The following GBP1 variants were observed in gnomAD, a reference collection of about 807,000 sequenced individuals.
GBP1 encodes guanylate binding protein 1, also known as guanylate-binding protein 1.
Under a neutral mutation model 69.5 loss-of-function variants are expected in GBP1, and 64 were observed. The observed-to-expected ratio is 0.92, with a 90% confidence interval of 0.75 to 1.13. The LOEUF (loss-of-function observed/expected upper bound fraction) is 1.13. Among genes scored for constraint, GBP1 ranks in the 50% most tolerant of loss-of-function variants. The probability of loss-of-function intolerance (pLI) is 0.00; values close to 1 mark genes in which losing one functional copy is unlikely to be tolerated. For synonymous variants in GBP1, 250 were observed against 261.2 expected (o/e 0.96, Z 0.41); for missense variants, 630 against 704.1 (o/e 0.89, Z 1.19).
rs1679948203 is a variant in GBP1 at position 89,052,693 on chromosome 1, T to A, written c.*662A>T. 1 of 152,254 alleles carries A rather than the reference T, an allele frequency of 6.6e-6. No individual in the cohort carries two copies. Among genetic ancestry groups the A allele is most frequent in the Non-Finnish European group, 1.5e-5 (1 of 68,050 alleles). The allele number at this position is 152,254 out of a possible 1,614,324, so 9.4% of individuals were successfully genotyped here. ...GTGTCAATTGTCTAATGGTCTAAAG[T>A]GTCCCATTGAAGTTATAATCTGGAT... On this transcript the variant is annotated 3_prime_UTR_variant, in exon 11 of 11. Transcript: ENST00000370473.
intron 10 of GBP1, among the ~76,000 whole-genome samples, chr1:89,053,705 C>T (rs1679975065): frequency 6.6e-6 from 1 of 152,134 alleles, no homozygotes; most frequent in Admixed American, 6.5e-5. Flanking sequence ...GTGTATGAAT[C>T]ATGGATTAGG....
chr1:89,056,336 A>C, intron 7 of GBP1, 108 bp from the exon 8 acceptor site: 1 of 1,567,270 alleles, frequency 6.4e-7, no homozygotes, highest in Non-Finnish European at 8.7e-7. Context: ...ATGCTGGAGA[A>C]ACTGACAGCC....
At chr1:89,064,683 T>C (rs1031967473) in intron 1 of GBP1, among the ~76,000 whole-genome samples, 6 of 152,228 alleles carry the variant, frequency 3.9e-5, no homozygotes, top group African/African-American at 1.2e-4. Context: ...TCTTTAACCG[T>C]GTCAGTGGGC....
intron 6 of GBP1, among the ~76,000 whole-genome samples, chr1:89,057,643 G>A (rs141791750): frequency 4.6e-5 from 7 of 152,326 alleles, no homozygotes; most frequent in East Asian, 3.9e-4. Flanking sequence ...CACTAAGTAC[G>A]TGTAAATATT....
In GBP1 at chr1:89,058,992, C is replaced by G. The variant is rs764507414; in HGVS notation, c.480G>C (p.Glu160Asp). ...CTGAATCCTCAACCTCATTCTCATT[C>G]TCATCAGGTGAGGATTTTGATCGGA... ...HRIRSKSSPD[E>D]NENEVEDSAD... The change falls in exon 5 of 11, where the codon GAG becomes GAC. Residue 160 changes from glutamate to aspartate, a missense_variant. By Grantham distance (45) the Glu-to-Asp change is conservative. Transcript: ENST00000370473. 8.1e-6 allele frequency: 13 copies of G among 1,614,166 alleles called. No individual in the cohort carries two copies. In the South Asian group the frequency reaches 1.2e-4, roughly 15 times the overall value.
At chr1:89,060,072 C>T (rs1394073638) in intron 3 of GBP1, 125 bp downstream of exon 3, 19 of 872,024 alleles carry the variant, frequency 2.2e-5, no homozygotes, top group Non-Finnish European at 3.3e-6. Context: ...TTTGTGCTCC[C>T]TTTATGCATC....
intron 3 of GBP1, 124 bp downstream of exon 3, chr1:89,060,073 T>G (rs1439959743): frequency 2.3e-6 from 2 of 879,182 alleles, no homozygotes; most frequent in African/African-American, 1.7e-5. Flanking sequence ...TTGTGCTCCC[T>G]TTATGCATCT....
At position 89,064,981 on chromosome 1, in the gene GBP1, C is replaced by T. The variant is rs570815015; in HGVS notation, c.-20+179G>A. ...TAACACCAGGATTTCATCTGACCTG[C>T]GTCCCACTTCAGGCTCATCTGCAGC... On this transcript the variant is annotated intron_variant, in intron 1 of 10. Coordinates refer to ENST00000370473, the MANE Select transcript of GBP1 (RefSeq NM_002053.3). 5.3e-5 allele frequency among the ~76,000 whole-genome samples: 8 copies of T among 152,310 alleles called. No homozygotes were observed. The East Asian group carries it at 1.3e-3, about 26-fold the overall frequency.
intron 4 of GBP1, 79 bp from the exon 5 acceptor site, chr1:89,059,122 C>G (rs1286255708): frequency 1.3e-6 from 2 of 1,599,006 alleles, no homozygotes; most frequent in South Asian, 1.1e-5. Context: ...CCCAAACCTT[C>G]CATTTTCCTT....
chr1:89,062,973 C>T (rs1182357277), intron 2 of GBP1, 72 bp downstream of exon 2: 1 of 1,570,490 alleles, frequency 6.4e-7, no homozygotes, highest in Non-Finnish European at 8.8e-7. Flanking sequence ...TCTCTCCTCA[C>T]ATCTTCATAA....
At position 89,057,990 on chromosome 1, in the gene GBP1, ACGAGG is replaced by A; in HGVS notation, c.871_874+1del. The A allele has an allele frequency of 1.2e-6, 2 of 1,610,114 alleles. No individual in the cohort carries two copies. Among genetic ancestry groups the A allele is most frequent in the Non-Finnish European group, 1.7e-6 (2 of 1,177,850 alleles). ...AGCAGAAGTACTAGGAAGGGGACTT[ACGAGG>A]CCCGTTGACCTGGATGCCTCCTGAA... On this transcript the variant is annotated splice_donor_variant and coding_sequence_variant, in exon 6 of 11. Transcript: ENST00000370473. LOFTEE classifies it high-confidence loss of function.
At chr1:89,062,910 A>G (rs968059865) in intron 2 of GBP1, 135 bp downstream of exon 2, 111 of 1,033,732 alleles carry the variant, frequency 1.1e-4, no homozygotes, top group Non-Finnish European at 1.5e-4. Flanking sequence ...CGTGAAGATA[A>G]GGAGCCCGAC....
At chr1:89,064,742 C>T (rs12089335) in intron 1 of GBP1, among the ~76,000 whole-genome samples, 51,194 of 152,030 alleles carry the variant, frequency 0.34, 9,231 homozygotes, top group African/African-American at 0.47. Context: ...TGAAAAGAAC[C>T]CGTTTGTAAC....
In GBP1 at chr1:89,056,918, G is replaced by A; in HGVS notation, c.1091C>T (p.Ala364Val). 6.2e-7 allele frequency: 1 copy of A among 1,614,206 alleles called. No homozygotes were observed. Residue 364 changes from alanine to valine, a missense_variant, in exon 7 of 11, where the codon GCC (alanine) becomes GTC (valine). Transcript: ENST00000370473. The part of the protein sequence containing the change: ...LDLHRDSERE[A>V]IEVFIRSSFK... ...GGAACTCCTGATGAAGACTTCAATG[G>A]CCTCTCTCTCACTGTCCCTGTGCAG...
Position 89,058,405 on chromosome 1 carries a change from G to A in GBP1, c.632-171C>T, listed in dbSNP as rs4375241. 12 of 608,304 alleles carry A rather than the reference G, an allele frequency of 2.0e-5. No homozygotes were observed. In the East Asian group the frequency reaches 2.6e-4, roughly 13 times the overall value. 37.7% of individuals were successfully genotyped at this position (608,304 alleles called of 1,614,324 possible). A position where few individuals can be genotyped will look rare whatever the true frequency, so the allele number is the denominator to read the frequency against. ...GACAATATGTAAATGAATGGGCATA[G>A]CATTATTCCAAAAAAACCTTATTTA... is the stretch of plus-strand genomic sequence containing the variant. On this transcript the variant is annotated intron_variant, in intron 5 of 10. Transcript: ENST00000370473.
chr1:89,053,346 C>T lies in GBP1; in HGVS notation c.*9G>A. On this transcript the variant is annotated 3_prime_UTR_variant, in exon 11 of 11. Transcript: ENST00000370473. ...GCCTTGGTTAGGGGTGACAGGAAGG[C>T]TCTGGTCTTTAGCTTATGGTACATG... 1 of 1,606,930 alleles carries T rather than the reference C, an allele frequency of 6.2e-7. No individual in the cohort carries two copies. Among genetic ancestry groups the T allele is most frequent in the Non-Finnish European group, 8.5e-7 (1 of 1,176,140 alleles).
Position 89,054,346 on chromosome 1 carries a change from C to T in GBP1, c.1665+336G>A, listed in dbSNP as rs183450730. 6.7e-3 allele frequency among the ~76,000 whole-genome samples: 1,013 copies of T among 152,200 alleles called. 7 individuals carry two copies. The highest frequency in any genetic ancestry group is 0.023 in the African/African-American group (943 of 41,518). On this transcript the variant is annotated intron_variant, in intron 10 of 10. Transcript: ENST00000370473. ...CAATCTCCTGACCTCGTGATCCGCC[C>T]GCCTTGGCCTCCCAGAGTGCTGGGA...
chr1:89,059,508 CAT>C, intron 3 of GBP1, 82 bp from the exon 4 acceptor site: 1 of 1,068,190 alleles, frequency 9.4e-7, no homozygotes, highest in Non-Finnish European at 1.4e-6. Flanking sequence ...AAACTATGTT[CAT>C]ATGTTAGAGG....
intron 8 of GBP1, chr1:89,055,676 GT>G (rs1557748013): frequency 2.5e-6 from 1 of 402,804 alleles, no homozygotes; most frequent in Non-Finnish European, 4.6e-6. Context: ...TGTAAAGCCA[GT>G]TTGCAGCCTA....
Sources: gnomAD v4.1 joint callset for allele counts (sites outside exome capture counted in the v4.1 genomes callset) on GRCh38, gnomAD v4.1.1 for gene constraint, MANE v1.5 for transcripts, NCBI Gene and HGNC (gene_info 2026-07-23, HGNC 2026-07-21) for gene names.